CEP135: variants seen among roughly 807,000 people sequenced by gnomAD.
CEP135 encodes centrosomal protein 135, also known as centrosomal protein of 135 kDa.
CEP135 carries 142 observed loss-of-function variants against 157.3 expected under a neutral mutation model. That is an observed-to-expected ratio of 0.90 (90% CI 0.79 to 1.04). The LOEUF (loss-of-function observed/expected upper bound fraction) is 1.04, where lower values mean the gene tolerates loss of function less well. Among genes scored for constraint, CEP135 ranks in the 50% least tolerant of loss-of-function variants. The pLI is 0.00. For synonymous variants in CEP135, 396 were observed against 439.8 expected (o/e 0.90, Z 1.25); for missense variants, 1,317 against 1,309.2 (o/e 1.01, Z -0.09).
In CEP135 at chr4:56,032,801, GTTAC is replaced by G; in HGVS notation, c.*1457_*1460del. 1 of 151,976 alleles carries G rather than the reference GTTAC, an allele frequency of 6.6e-6. No homozygotes were observed. The highest frequency in any genetic ancestry group is 2.4e-5 in the African/African-American group (1 of 41,426). The allele number at this position is 151,976 out of a possible 1,614,324, so 9.4% of individuals were successfully genotyped here. ...ACTAACATAGGAAAGTGAATGATCA[GTTAC>G]TTATGATATATTTTGTTTCCTCTTG... On this transcript the variant is annotated 3_prime_UTR_variant, in exon 26 of 26. Transcript: ENST00000257287.
intron 17 of CEP135, among the ~76,000 whole-genome samples, chr4:56,006,138 A>T (rs1244880624): frequency 1.3e-5 from 2 of 152,166 alleles, no homozygotes; most frequent in African/African-American, 2.4e-5. Context: ...AAGTTTTGGA[A>T]AGTGTTCTGT....
At chr4:55,983,865 G>C (rs972403813) in intron 13 of CEP135, among the ~76,000 whole-genome samples, 1 of 152,046 alleles carries the variant, frequency 6.6e-6, no homozygotes, top group Non-Finnish European at 1.5e-5. Context: ...TGATGTCTCC[G>C]AGTTACAGTG....
At chr4:56,006,680 T>A (rs1473777252) in intron 17 of CEP135, among the ~76,000 whole-genome samples, 1 of 152,230 alleles carries the variant, frequency 6.6e-6, no homozygotes, top group Non-Finnish European at 1.5e-5. Flanking sequence ...ATCTTGGAGA[T>A]CACTGAATTT....
intron 17 of CEP135, among the ~76,000 whole-genome samples, chr4:56,006,306 CA>C (rs1349899807): frequency 1.3e-5 from 2 of 152,150 alleles, no homozygotes; most frequent in Admixed American, 6.5e-5. Flanking sequence ...TGCGTAATTT[CA>C]AATAGCTTGT....
intron 9 of CEP135, among the ~76,000 whole-genome samples, chr4:55,970,595 G>A (rs1374563517): frequency 6.6e-6 from 1 of 152,178 alleles, no homozygotes; most frequent in African/African-American, 2.4e-5. Context: ...CTAAATGTTG[G>A]ATGTGATTCA....
chr4:55,966,241 G>GGAA, intron 8 of CEP135: 1 of 183,602 alleles, frequency 5.4e-6, no homozygotes, highest in South Asian at 1.1e-4. Flanking sequence ...CTCCCAGGCT[G>GGAA]GAGTGCAATG....
At chr4:56,012,969 T>A (rs1730642004) in intron 21 of CEP135, among the ~76,000 whole-genome samples, 1 of 152,212 alleles carries the variant, frequency 6.6e-6, no homozygotes, top group South Asian at 2.1e-4. Flanking sequence ...GGAATAGCCA[T>A]GTGGTTTTTC....
In CEP135 at chr4:55,971,253, A is replaced by ATTAAATT; in HGVS notation, c.1111-17_1111-16insTTAAATT. The ATTAAATT allele has an allele frequency of 4.6e-6, 7 of 1,537,060 alleles. No individual in the cohort carries two copies. The highest frequency in any genetic ancestry group is 6.1e-6 in the Non-Finnish European group (7 of 1,142,376). ...TAAAGTTGTTAGAAATCTTAATTAT[A>ATTAAATT]GTATTAAAATTTGCAGGAATTGAAC... On this transcript the variant is annotated splice_polypyrimidine_tract_variant and intron_variant, in intron 9 of 25. Coordinates refer to ENST00000257287, the MANE Select transcript of CEP135 (RefSeq NM_025009.5).
chr4:55,978,576 A>T (rs1729299584), intron 11 of CEP135, among the ~76,000 whole-genome samples: 1 of 152,156 alleles, frequency 6.6e-6, no homozygotes, highest in Non-Finnish European at 1.5e-5. Context: ...TTTGGGAGAA[A>T]GTCTCACTCT....
Position 55,999,521 on chromosome 4 carries a change from A to G in CEP135, c.2156A>G (p.Asp719Gly), listed in dbSNP as rs1730089056. The part of the protein sequence containing the change: ...DELNLKMTSQ[D>G]EEAHVMKKTI... Reference sequence around the variant, plus strand: ...CTAAACCTTAAGATGACTTCACAGGATGAGGAGGCTCATGTAATGAAAAAG... The same window carrying G: ...CTAAACCTTAAGATGACTTCACAGGGTGAGGAGGCTCATGTAATGAAAAAG... The change falls in exon 17 of 26, where the codon GAT becomes GGT. Residue 719 changes from aspartate (D) to glycine (G), a missense_variant. Physicochemically the swap from Asp to Gly is moderately conservative, Grantham distance 94 (BLOSUM62 -1). Transcript: ENST00000257287. 1 of 1,611,278 alleles carries G rather than the reference A, an allele frequency of 6.2e-7. No individual in the cohort carries two copies. The highest frequency in any genetic ancestry group is 1.3e-5 in the African/African-American group (1 of 74,632).
chr4:56,019,945 A>G (rs1730918736), intron 23 of CEP135, among the ~76,000 whole-genome samples: 1 of 152,194 alleles, frequency 6.6e-6, no homozygotes, highest in Non-Finnish European at 1.5e-5. Context: ...TCCCAAAACC[A>G]AAATATTTGG....
At chr4:55,970,812 A>C in intron 9 of CEP135, among the ~76,000 whole-genome samples, 1 of 152,156 alleles carries the variant, frequency 6.6e-6, no homozygotes, top group East Asian at 1.9e-4. Flanking sequence ...GTACTTCATA[A>C]CCATAGATTC....
At chr4:56,011,207 T>A (rs576874206) in intron 19 of CEP135, among the ~76,000 whole-genome samples, 1 of 152,248 alleles carries the variant, frequency 6.6e-6, no homozygotes, top group Non-Finnish European at 1.5e-5. Context: ...TGCACTTCAG[T>A]CTGGGCGACA....
At position 55,985,257 on chromosome 4, in the gene CEP135, ATTTTC is replaced by A. The variant is rs751960608; in HGVS notation, c.1780-20_1780-16del. 96 of 1,372,574 alleles carry A rather than the reference ATTTTC, an allele frequency of 7.0e-5. No homozygotes were observed. The highest frequency in any genetic ancestry group is 6.8e-5 in the Non-Finnish European group (66 of 967,252). 85.0% of individuals were successfully genotyped at this position (1,372,574 alleles called of 1,614,324 possible). A position where few individuals can be genotyped will look rare whatever the true frequency, so the allele number is the denominator to read the frequency against. On this transcript the variant is annotated intron_variant, in intron 13 of 25. Transcript: ENST00000257287. ...GTTTTGTTATCTGATACAAATGAAC[ATTTTC>A]TTTAACATTCTTTTTCAGCATATTG...
At chr4:55,955,930 G>A (rs1451500347) in intron 4 of CEP135, among the ~76,000 whole-genome samples, 2 of 152,158 alleles carry the variant, frequency 1.3e-5, no homozygotes, top group Non-Finnish European at 2.9e-5. Flanking sequence ...GAGTCTCATG[G>A]TAATTGAAGC....
chr4:55,978,015 T>C (rs1388151362), intron 11 of CEP135, among the ~76,000 whole-genome samples: 1 of 152,218 alleles, frequency 6.6e-6, no homozygotes, highest in Non-Finnish European at 1.5e-5. Context: ...GCATTGCGCA[T>C]GTGTGTGCAT....
chr4:55,949,705 G>A (rs544272659), intron 1 of CEP135, among the ~76,000 whole-genome samples: 1 of 152,296 alleles, frequency 6.6e-6, no homozygotes, highest in African/African-American at 2.4e-5. Context: ...TATATGTATG[G>A]GGGACCCCCA....
chr4:55,989,871 G>A (rs1368774706), intron 14 of CEP135, among the ~76,000 whole-genome samples: 1 of 152,126 alleles, frequency 6.6e-6, no homozygotes, highest in Non-Finnish European at 1.5e-5. Context: ...GTGTTATCTA[G>A]CAAAGGCATA....
At chr4:55,988,259 A>T (rs1164134520) in intron 14 of CEP135, among the ~76,000 whole-genome samples, 1 of 152,064 alleles carries the variant, frequency 6.6e-6, no homozygotes, top group Non-Finnish European at 1.5e-5. Flanking sequence ...TTGACAATAG[A>T]TCTTAAAATT....
Sources: allele counts gnomAD v4.1 joint callset (sites outside exome capture counted in the v4.1 genomes callset), GRCh38; gene constraint gnomAD v4.1.1; transcripts MANE v1.5; gene names NCBI Gene and HGNC (gene_info 2026-07-23, HGNC 2026-07-21).